Variants in PDZRN4 observed in about 807,000 individuals in gnomAD.
The protein encoded by PDZRN4 is PDZ domain containing ring finger 4.
In PDZRN4, 70 loss-of-function variants were observed where a neutral mutation model predicts 99.0. The ratio of observed to expected loss-of-function variants is 0.71; its 90% confidence interval spans 0.58 to 0.86. The LOEUF is 0.86. Among genes scored for constraint, PDZRN4 ranks in the 40% least tolerant of loss-of-function variants. The pLI, the probability that PDZRN4 is intolerant of heterozygous loss-of-function variation, is 0.00. For synonymous variants in PDZRN4, 551 were observed against 501.6 expected (o/e 1.10, Z -1.32); for missense variants, 1,474 against 1,331.2 (o/e 1.11, Z -1.67).
chr12:41,382,536 C>T (rs1230378610), intron 3 of PDZRN4, among the ~76,000 whole-genome samples: 3 of 152,160 alleles, frequency 2.0e-5, no homozygotes, highest in Admixed American at 1.3e-4. Flanking sequence ...TAGGAATTAC[C>T]TTGCAAAGTA....
chr12:41,301,453 T>C (rs1365402877), intron 3 of PDZRN4, among the ~76,000 whole-genome samples: 1 of 152,044 alleles, frequency 6.6e-6, no homozygotes, highest in African/African-American at 2.4e-5. Context: ...GATTTCATGA[T>C]CTTTACATAA....
chr12:41,294,053 G>A, intron 3 of PDZRN4, among the ~76,000 whole-genome samples: 1 of 152,296 alleles, frequency 6.6e-6, no homozygotes, highest in East Asian at 1.9e-4. Flanking sequence ...TTATGTTGTT[G>A]TGGGGTTTTT....
intron 3 of PDZRN4, among the ~76,000 whole-genome samples, chr12:41,335,702 A>G (rs1951768468): frequency 1.3e-5 from 2 of 152,112 alleles, no homozygotes; most frequent in Non-Finnish European, 2.9e-5. Context: ...CAGTAGTGGG[A>G]AAATAGTCAC....
At chr12:41,402,142 C>CACACTGAGTATATATATATGTAT (rs1565572994) in intron 3 of PDZRN4, among the ~76,000 whole-genome samples, 7 of 5,260 alleles carry the variant, frequency 1.3e-3, no homozygotes, top group African/African-American at 3.4e-3. Flanking sequence ...TATATATATA[C>CACACTGAGTATATATATATGTAT]ACACACTGAG....
intron 3 of PDZRN4, among the ~76,000 whole-genome samples, chr12:41,243,434 G>T (rs1265203426): frequency 6.6e-6 from 1 of 152,150 alleles, no homozygotes; most frequent in East Asian, 1.9e-4. Context: ...AAATACTTCA[G>T]GTTTATGACC....
chr12:41,456,751 G>A (rs530800925), intron 3 of PDZRN4, among the ~76,000 whole-genome samples: 15 of 152,338 alleles, frequency 9.8e-5, no homozygotes, highest in African/African-American at 1.7e-4. Context: ...GTGGTCACAC[G>A]CAGGTGCAGA....
chr12:41,219,686 C>T (rs1950941441), intron 3 of PDZRN4, among the ~76,000 whole-genome samples: 1 of 151,992 alleles, frequency 6.6e-6, no homozygotes, highest in African/African-American at 2.4e-5. Flanking sequence ...AGTAATACTT[C>T]ACGAAGTGTA....
chr12:41,414,174 G>A (rs527522695), intron 3 of PDZRN4, among the ~76,000 whole-genome samples: 1 of 152,280 alleles, frequency 6.6e-6, no homozygotes, highest in East Asian at 1.9e-4. Flanking sequence ...CTGCTGAGAA[G>A]TCTGTTGTTA....
chr12:41,369,754 A>C (rs1224736120), intron 3 of PDZRN4, among the ~76,000 whole-genome samples: 1 of 152,024 alleles, frequency 6.6e-6, no homozygotes, highest in Non-Finnish European at 1.5e-5. Flanking sequence ...GCTCTTTATA[A>C]AGTAGCAGTT....
At chr12:41,307,164 T>A (rs192759498) in intron 3 of PDZRN4, among the ~76,000 whole-genome samples, 32 of 152,262 alleles carry the variant, frequency 2.1e-4, no homozygotes, top group African/African-American at 7.7e-4. Context: ...TACCAATTCC[T>A]ATCTTATTCT....
chr12:41,308,257 A>G (rs1040258410), intron 3 of PDZRN4, among the ~76,000 whole-genome samples: 1 of 152,156 alleles, frequency 6.6e-6, no homozygotes, highest in Non-Finnish European at 1.5e-5. Flanking sequence ...AGGTAAAAGC[A>G]TTAGTATTTA....
intron 3 of PDZRN4, among the ~76,000 whole-genome samples, chr12:41,202,284 C>T (rs1275092054): frequency 6.6e-6 from 1 of 152,050 alleles, no homozygotes; most frequent in African/African-American, 2.4e-5. Flanking sequence ...TAAGGCACAG[C>T]TCACTGAGCT....
At chr12:41,195,532 G>C (rs1365460041) in intron 3 of PDZRN4, among the ~76,000 whole-genome samples, 1 of 151,470 alleles carries the variant, frequency 6.6e-6, no homozygotes, top group Non-Finnish European at 1.5e-5. Flanking sequence ...TGCTGTTTTG[G>C]GAAAAAAGAA....
intron 3 of PDZRN4, among the ~76,000 whole-genome samples, chr12:41,197,375 A>G (rs1378634355): frequency 6.6e-6 from 1 of 152,168 alleles, no homozygotes; most frequent in Non-Finnish European, 1.5e-5. Flanking sequence ...AGAATAATAA[A>G]AGAATAAAAA....
chr12:41,526,656 C>G (rs186508738), intron 5 of PDZRN4, among the ~76,000 whole-genome samples: 91 of 152,280 alleles, frequency 6.0e-4, no homozygotes, highest in Admixed American at 1.7e-3. Context: ...TTCACACACC[C>G]TACTATCAGA....
At chr12:41,241,672 C>G (rs1446492059) in intron 3 of PDZRN4, among the ~76,000 whole-genome samples, 1 of 152,178 alleles carries the variant, frequency 6.6e-6, no homozygotes, top group Non-Finnish European at 1.5e-5. Context: ...AGGAATTACA[C>G]ACACAGACAT....
At position 41,287,275 on chromosome 12, in the gene PDZRN4, A is replaced by C. The variant is rs189255544; in HGVS notation, c.843+93087A>C. On this transcript the variant is annotated intron_variant, in intron 3 of 9. Coordinates refer to ENST00000402685, the MANE Select transcript of PDZRN4 (RefSeq NM_001164595.2). ...TTCTGCTAGAGGCATAGCCTAGAGA[A>C]GACTTCATGAGCTCAGATTTCTAAC... 9.5e-4 allele frequency among the ~76,000 whole-genome samples: 145 copies of C among 152,330 alleles called. 1 individual carries two copies. The highest frequency in any genetic ancestry group is 3.4e-3 in the African/African-American group (141 of 41,588).
chr12:41,298,822 A>T (rs1218440698), intron 3 of PDZRN4, among the ~76,000 whole-genome samples: 1 of 152,174 alleles, frequency 6.6e-6, no homozygotes, highest in Non-Finnish European at 1.5e-5. Context: ...GATTAATAAG[A>T]TTTGGGGAGA....
At chr12:41,331,418 A>G (rs1256296523) in intron 3 of PDZRN4, among the ~76,000 whole-genome samples, 161 of 152,238 alleles carry the variant, frequency 1.1e-3, no homozygotes, top group East Asian at 1.9e-4. Flanking sequence ...AAGGGCTACA[A>G]CTAGAAATGG....
Sources: allele counts gnomAD v4.1 joint callset (sites outside exome capture counted in the v4.1 genomes callset), GRCh38; gene constraint gnomAD v4.1.1; transcripts MANE v1.5; gene names NCBI Gene and HGNC (gene_info 2026-07-23, HGNC 2026-07-21).